Variants in PARD3B observed in about 807,000 individuals in gnomAD.
The protein encoded by PARD3B is partitioning defective 3 homolog B.
Under a neutral mutation model 130.2 loss-of-function variants are expected in PARD3B, and 103 were observed. That is an observed-to-expected ratio of 0.79 (90% CI 0.67 to 0.93). The LOEUF is 0.93. Ranked by LOEUF, PARD3B falls within the 40% of genes least tolerant of loss-of-function variation. The pLI, the probability that PARD3B is intolerant of heterozygous loss-of-function variation, is 0.00. For missense variants in PARD3B, 1,609 were observed against 1,499.2 expected (o/e 1.07, Z -1.21); for synonymous variants, 583 against 553.2 (o/e 1.05, Z -0.76).
In PARD3B at chr2:205,380,550, A is replaced by ATATATATTATATATACAG. The variant is rs1559033781; in HGVS notation, c.2631-20448_2631-20447insCAGTATATATTATATATA. ...ATATATTATATATAATATATAAAGA[A>ATATATATTATATATACAG]TATATATTATATATAATATATAAAG... On this transcript the variant is annotated intron_variant, in intron 18 of 22. Coordinates refer to ENST00000406610, the MANE Select transcript of PARD3B (RefSeq NM_001302769.2). Among the ~76,000 whole-genome samples, 4 of 2,538 alleles carry ATATATATTATATATACAG rather than the reference A, an allele frequency of 1.6e-3. 2 individuals carry two copies. The highest frequency in any genetic ancestry group is 4.9e-3 in the African/African-American group (4 of 812). 1.7% of individuals were successfully genotyped at this position (2,538 alleles called of 152,430 possible).
At chr2:205,581,261 G>GATATAT (rs1193010794) in intron 22 of PARD3B, among the ~76,000 whole-genome samples, 1 of 141,304 alleles carries the variant, frequency 7.1e-6, no homozygotes, top group African/African-American at 2.7e-5. Context: ...GATATATATA[G>GATATAT]ATATAGATAG....
intron 21 of PARD3B, among the ~76,000 whole-genome samples, chr2:205,524,014 C>T (rs1397365914): frequency 6.6e-6 from 1 of 151,650 alleles, no homozygotes; most frequent in African/African-American, 2.4e-5. Flanking sequence ...AGGTTTTTTT[C>T]CTGAAAATTC....
rs1288640473 is a variant in PARD3B, at chr2:204,978,590, AG to A, written c.394+13268del. ...TTCCACCAACTTTATTGCTCAGTAA[AG>A]CACATCAGCTTTCAGCTTGCAAAAG... is the stretch of plus-strand genomic sequence containing the variant. On this transcript the variant is annotated intron_variant, in intron 3 of 22. Transcript: ENST00000406610. Among the ~76,000 whole-genome samples the A allele has an allele frequency of 2.0e-5, 3 of 152,284 alleles. No individual in the cohort carries two copies. In the East Asian group the frequency reaches 5.8e-4, roughly 29 times the overall value.
intron 22 of PARD3B, among the ~76,000 whole-genome samples, chr2:205,604,672 T>C (rs949502584): frequency 3.3e-5 from 5 of 152,200 alleles, no homozygotes; most frequent in Non-Finnish European, 7.3e-5. Context: ...GAGAATCTGA[T>C]GATTATGTGT....
intron 4 of PARD3B, among the ~76,000 whole-genome samples, chr2:205,061,193 C>A (rs940707620): frequency 1.3e-5 from 2 of 152,010 alleles, no homozygotes; most frequent in Admixed American, 1.3e-4. Flanking sequence ...TAAATAATAA[C>A]CCAGGAAATT....
At chr2:205,079,459 T>A (rs1334071712) in intron 4 of PARD3B, among the ~76,000 whole-genome samples, 1 of 152,130 alleles carries the variant, frequency 6.6e-6, no homozygotes, top group East Asian at 1.9e-4. Context: ...TATCCTTACA[T>A]GACAGAAGGC....
chr2:205,345,375 CTCTT>C (rs2043712494), intron 18 of PARD3B, among the ~76,000 whole-genome samples: 2 of 152,196 alleles, frequency 1.3e-5, no homozygotes, highest in Middle Eastern at 3.4e-3. Context: ...AAATGGATGT[CTCTT>C]TCTTCTGGGT....
chr2:204,657,038 G>A (rs2035660779), intron 1 of PARD3B, among the ~76,000 whole-genome samples: 1 of 152,104 alleles, frequency 6.6e-6, no homozygotes, highest in Non-Finnish European at 1.5e-5. Flanking sequence ...CTGCTTCTTG[G>A]GGACCTGGGT....
At chr2:204,845,897 T>A (rs1310399348) in intron 2 of PARD3B, among the ~76,000 whole-genome samples, 1 of 152,112 alleles carries the variant, frequency 6.6e-6, no homozygotes, top group East Asian at 1.9e-4. Context: ...AGAATTGACA[T>A]ATATGCCTAT....
At chr2:204,897,402 T>TTTTTTG (rs2046678726) in intron 2 of PARD3B, among the ~76,000 whole-genome samples, 1 of 149,826 alleles carries the variant, frequency 6.7e-6, no homozygotes, top group African/African-American at 2.5e-5. Flanking sequence ...TTTTTTTTTT[T>TTTTTTG]GAGAATTTAA....
intron 1 of PARD3B, among the ~76,000 whole-genome samples, chr2:204,648,000 T>C (rs2035332206): frequency 6.6e-6 from 1 of 151,596 alleles, no homozygotes; most frequent in African/African-American, 2.4e-5. Flanking sequence ...TAAAGGTTAA[T>C]TTTTGTGTAT....
chr2:204,616,742 T>G (rs2034126513), intron 1 of PARD3B, among the ~76,000 whole-genome samples: 1 of 152,206 alleles, frequency 6.6e-6, no homozygotes, highest in Non-Finnish European at 1.5e-5. Context: ...GGTGAGAGAC[T>G]GAATAAATGA....
chr2:205,377,582 A>C (rs960836818), intron 18 of PARD3B, among the ~76,000 whole-genome samples: 6 of 152,112 alleles, frequency 3.9e-5, no homozygotes, highest in African/African-American at 1.4e-4. Context: ...AGAGGCTCCA[A>C]GTCTCTGATC....
intron 1 of PARD3B, among the ~76,000 whole-genome samples, chr2:204,619,297 A>C (rs1367774651): frequency 6.6e-6 from 1 of 152,160 alleles, no homozygotes; most frequent in Non-Finnish European, 1.5e-5. Context: ...AAGCTGAGGG[A>C]TGGTTTCAGG....
At chr2:204,795,353 T>A (rs2042333951) in intron 2 of PARD3B, among the ~76,000 whole-genome samples, 2 of 152,212 alleles carry the variant, frequency 1.3e-5, no homozygotes, top group Non-Finnish European at 2.9e-5. Context: ...TTTTGTTATA[T>A]ATGGAGTTGC....
At chr2:204,813,976 C>G (rs777586543) in intron 2 of PARD3B, among the ~76,000 whole-genome samples, 3 of 151,878 alleles carry the variant, frequency 2.0e-5, no homozygotes, top group African/African-American at 4.8e-5. Flanking sequence ...TTCATAGAAT[C>G]AGCATGTCAA....
In PARD3B at chr2:204,623,634, T is replaced by C. The variant is rs1188656339; in HGVS notation, c.121-62547T>C. On this transcript the variant is annotated intron_variant, in intron 1 of 22. Transcript: ENST00000406610. The surrounding 1 kb of genome is among the most constrained non-coding windows in gnomAD (Gnocchi z 4.5). ...CATGTATCAATAATTCATTCCCTTT[T>C]TCTTTATTGTGGTAAGAACACTTAA... Among the ~76,000 whole-genome samples the C allele has an allele frequency of 6.6e-6, 1 of 152,186 alleles. No homozygotes were observed. Among genetic ancestry groups the C allele is most frequent in the Non-Finnish European group, 1.5e-5 (1 of 68,016 alleles).
intron 18 of PARD3B, among the ~76,000 whole-genome samples, chr2:205,391,406 C>A (rs1320092726): frequency 6.6e-6 from 1 of 152,140 alleles, no homozygotes; most frequent in Non-Finnish European, 1.5e-5. Context: ...GCCCGAAGAT[C>A]CACTTAAAAA....
rs148707708 is a variant in PARD3B at position 205,344,194 on chromosome 2, T to TTGTGTTTGTGTGTGTGTGTGTG, written c.2630+42498_2630+42499insTTGTGTGTGTGTGTGTGTGTGT. 1.9e-3 allele frequency among the ~76,000 whole-genome samples: 268 copies of TTGTGTTTGTGTGTGTGTGTGTG among 141,024 alleles called. 1 individual carries two copies. The highest frequency in any genetic ancestry group is 6.5e-3 in the African/African-American group (250 of 38,582). 92.5% of individuals were successfully genotyped at this position (141,024 alleles called of 152,430 possible). On this transcript the variant is annotated intron_variant, in intron 18 of 22. Coordinates refer to ENST00000406610, the MANE Select transcript of PARD3B (RefSeq NM_001302769.2). ...GAAGGTGGGAAATGTGTCAGTTGGT[T>TTGTGTTTGTGTGTGTGTGTGTG]TGTGTGTGTGTGTGTGTGTGTGTGT...
Sources: gnomAD v4.1 joint callset for allele counts (sites outside exome capture counted in the v4.1 genomes callset) on GRCh38, gnomAD v4.1.1 for gene constraint, Gnocchi (gnomAD v3.1) non-coding constraint, MANE v1.5 for transcripts, NCBI Gene and HGNC (gene_info 2026-07-23, HGNC 2026-07-21) for gene names.